Variants in SYBU observed in about 807,000 individuals in gnomAD.
The protein encoded by SYBU is GOLSYN A protein.
Under a neutral mutation model 35.9 loss-of-function variants are expected in SYBU, and 21 were observed. That is an observed-to-expected ratio of 0.58 (90% CI 0.41 to 0.84). The LOEUF (loss-of-function observed/expected upper bound fraction) is 0.84. Ranked by LOEUF, SYBU falls within the 40% of genes least tolerant of loss-of-function variation. SYBU has a pLI of 0.00. For synonymous variants in SYBU, 319 were observed against 324.3 expected, an observed-to-expected ratio of 0.98 and a Z score of 0.18; for missense variants, 768 against 848.2, an observed-to-expected ratio of 0.91 and a Z score of 1.17.
chr8:109,659,761 G>A (rs1358982560), intron 1 of SYBU, among the ~76,000 whole-genome samples: 1 of 151,968 alleles, frequency 6.6e-6, no homozygotes, highest in Non-Finnish European at 1.5e-5. Flanking sequence ...GCAGTTTTCT[G>A]TAAATAGGCA....
chr8:109,666,848 A>G (rs965121989), intron 1 of SYBU, among the ~76,000 whole-genome samples: 3 of 152,192 alleles, frequency 2.0e-5, no homozygotes, highest in Non-Finnish European at 4.4e-5. Flanking sequence ...TTATTTTTTA[A>G]AAGAACTTAT....
At position 109,575,529 on chromosome 8, in the gene SYBU, C is replaced by T. The variant is rs1300464294; in HGVS notation, c.1369G>A (p.Glu457Lys). The T allele has an allele frequency of 6.2e-7, 1 of 1,614,162 alleles. No individual in the cohort carries two copies. Among genetic ancestry groups the T allele is most frequent in the South Asian group, 1.1e-5 (1 of 91,084 alleles). Reference protein sequence around the residue: ...TATTTESGDLELVHSTPGANV... With the variant: ...TATTTESGDLKLVHSTPGANV... ...GCCCCAGGGGTGGAATGCACAAGCT[C>T]CAGGTCACCAGATTCTGTGGTGGTG... is the stretch of plus-strand genomic sequence containing the variant. The change falls in exon 7 of 7, where the codon GAG becomes AAG. Residue 457 changes from glutamate (E) to lysine (K), a missense_variant. Coordinates refer to ENST00000276646, the MANE Select transcript of SYBU (RefSeq NM_001099754.2).
chr8:109,624,968 T>C (rs1332301716), intron 2 of SYBU, among the ~76,000 whole-genome samples: 1 of 152,152 alleles, frequency 6.6e-6, no homozygotes, highest in Non-Finnish European at 1.5e-5. Flanking sequence ...ATCTGGCGCT[T>C]TATAGAAAAA....
chr8:109,602,090 T>C (rs577277651), intron 3 of SYBU, among the ~76,000 whole-genome samples: 2 of 152,264 alleles, frequency 1.3e-5, no homozygotes, highest in East Asian at 3.9e-4. Flanking sequence ...CCTTTCCAGG[T>C]AGCTCTTAGG....
chr8:109,659,196 A>T (rs951087056), intron 1 of SYBU, among the ~76,000 whole-genome samples: 2 of 152,186 alleles, frequency 1.3e-5, no homozygotes, highest in Non-Finnish European at 2.9e-5. Flanking sequence ...TTTTCCAGTA[A>T]TGTGGCTCAG....
At chr8:109,578,377 G>A (rs1423493610) in intron 5 of SYBU, among the ~76,000 whole-genome samples, 1 of 152,136 alleles carries the variant, frequency 6.6e-6, no homozygotes, top group African/African-American at 2.4e-5. Context: ...ACAGTATGTA[G>A]CCCATGGTTC....
rs1293731647 is a variant in SYBU, at chr8:109,691,431, C to T, written c.-156G>A. On this transcript the variant is annotated 5_prime_UTR_variant, in exon 1 of 8. Transcript: ENST00000422135. This position sits in a 1 kb window ranked among gnomAD's most constrained non-coding sequence, Gnocchi z 4.7. ...CGGCTGGGCCGGGTGCCGGTGCGGA[C>T]GGGACCCCGCGTCGCTGCTGGTTTG... 1 of 669,650 alleles carries T rather than the reference C, an allele frequency of 1.5e-6. No homozygotes were observed. Among genetic ancestry groups the T allele is most frequent in the South Asian group, 1.5e-5 (1 of 64,572 alleles). The allele number at this position is 669,650 out of a possible 1,614,324, so 41.5% of individuals were successfully genotyped here. A position where few individuals can be genotyped will look rare whatever the true frequency, so the allele number is the denominator to read the frequency against.
intron 1 of SYBU, among the ~76,000 whole-genome samples, chr8:109,668,434 G>T (rs917996026): frequency 6.6e-6 from 1 of 152,152 alleles, no homozygotes; most frequent in African/African-American, 2.4e-5. Flanking sequence ...AGGTAACTTA[G>T]TAGGCAATTT....
At position 109,575,309 on chromosome 8, in the gene SYBU, T is replaced by G; in HGVS notation, c.1589A>C (p.Glu530Ala). Reference protein sequence around the residue: ...SPDESEPDSMESFPESLSALV... With the variant: ...SPDESEPDSMASFPESLSALV... ...GGCAGAGAGGGACTCTGGGAAGCTC[T>G]CCATCGAGTCTGGTTCAGACTCATC... The change falls in exon 7 of 7, where the codon GAG becomes GCG. Residue 530 changes from glutamate to alanine, a missense_variant. Transcript: ENST00000276646. 1 of 1,614,174 alleles carries G rather than the reference T, an allele frequency of 6.2e-7. No homozygotes were observed. The highest frequency in any genetic ancestry group is 1.7e-5 in the Admixed American group (1 of 60,022).
At chr8:109,655,277 A>T (rs1021623621) in intron 1 of SYBU, among the ~76,000 whole-genome samples, 1 of 152,194 alleles carries the variant, frequency 6.6e-6, no homozygotes, top group Admixed American at 6.5e-5. Flanking sequence ...GAGTCATGGC[A>T]TTTGCTCCTG....
At chr8:109,601,681 G>A (rs1051021946) in intron 3 of SYBU, among the ~76,000 whole-genome samples, 7 of 152,036 alleles carry the variant, frequency 4.6e-5, no homozygotes, top group African/African-American at 1.7e-4. Flanking sequence ...ATAGTGTTGG[G>A]GGCATGGACA....
chr8:109,653,635 G>A (rs1295907029), intron 1 of SYBU, among the ~76,000 whole-genome samples: 7 of 152,218 alleles, frequency 4.6e-5, no homozygotes, highest in African/African-American at 1.7e-4. Context: ...GGCTTCTAGT[G>A]CATGTTCTCT....
Position 109,618,772 on chromosome 8 carries a change from T to C in SYBU, c.427+70A>G. ...TGATCCCCGACTCGATATACAGGTG[T>C]TTAGTTTTAAACATGAAACTACTCC... On this transcript the variant is annotated intron_variant, in intron 3 of 6. Transcript: ENST00000276646. 2.9e-6 allele frequency: 4 copies of C among 1,395,954 alleles called. No individual in the cohort carries two copies. In the South Asian group the frequency reaches 4.7e-5, roughly 16 times the overall value. The allele number at this position is 1,395,954 out of a possible 1,614,324, so 86.5% of individuals were successfully genotyped here.
intron 3 of SYBU, among the ~76,000 whole-genome samples, chr8:109,601,772 G>A (rs1253604848): frequency 2.6e-5 from 4 of 152,160 alleles, no homozygotes; most frequent in African/African-American, 9.7e-5. Context: ...GTACATATAT[G>A]GAGTCCCTTG....
chr8:109,630,034 C>T (rs1183974037), intron 2 of SYBU, among the ~76,000 whole-genome samples: 1 of 151,778 alleles, frequency 6.6e-6, no homozygotes, highest in African/African-American at 2.4e-5. Flanking sequence ...AAATGTCCAA[C>T]AATGATAGAC....
chr8:109,626,106 G>C (rs181131943), intron 2 of SYBU, among the ~76,000 whole-genome samples: 1 of 152,142 alleles, frequency 6.6e-6, no homozygotes, highest in Non-Finnish European at 1.5e-5. Flanking sequence ...TCAAGTCCTT[G>C]ATAATTTTTC....
chr8:109,648,428 C>T (rs900394954), upstream of SYBU, among the ~76,000 whole-genome samples: 5 of 151,554 alleles, frequency 3.3e-5, 1 homozygote, highest in Non-Finnish European at 5.9e-5. Flanking sequence ...TCCTACCTTT[C>T]GTATGCACAA....
chr8:109,639,593 A>G (rs1261664833), intron 2 of SYBU, among the ~76,000 whole-genome samples: 2 of 152,254 alleles, frequency 1.3e-5, no homozygotes, highest in Non-Finnish European at 2.9e-5. Flanking sequence ...CAGGAGGATT[A>G]CTGGAAGGTT....
chr8:109,579,615 T>C (rs1195810056), intron 5 of SYBU, among the ~76,000 whole-genome samples, 184 bp downstream of exon 5: 4 of 152,180 alleles, frequency 2.6e-5, no homozygotes, highest in African/African-American at 9.7e-5. Flanking sequence ...TTGTTAGAAA[T>C]TGTGGCTTGC....
Sources: gnomAD v4.1 joint callset for allele counts (sites outside exome capture counted in the v4.1 genomes callset) on GRCh38, gnomAD v4.1.1 for gene constraint, Gnocchi (gnomAD v3.1) non-coding constraint, MANE v1.5 for transcripts, NCBI Gene and HGNC (gene_info 2026-07-23, HGNC 2026-07-21) for gene names.